The following UVRAG variants were observed in gnomAD, a reference collection of about 807,000 sequenced individuals.
UVRAG encodes the protein UV radiation resistance associated.
UVRAG carries 19 observed loss-of-function variants against 78.0 expected under a neutral mutation model. The ratio of observed to expected loss-of-function variants is 0.24; its 90% confidence interval spans 0.17 to 0.36. UVRAG has a LOEUF of 0.36. Among genes scored for constraint, UVRAG ranks in the 10% least tolerant of loss-of-function variants. UVRAG has a pLI of 1.00. For synonymous variants in UVRAG, 323 were observed against 324.6 expected (o/e 1.00, Z 0.05); for missense variants, 740 against 853.8 (o/e 0.87, Z 1.66).
At chr11:76,044,036 C>T (rs148555975) in intron 12 of UVRAG, among the ~76,000 whole-genome samples, 178 of 152,218 alleles carry the variant, frequency 1.2e-3, no homozygotes, top group African/African-American at 4.1e-3. Context: ...GTGGCAGTTC[C>T]GTAAATGCTT....
chr11:75,942,092 A>G (rs961390605), intron 6 of UVRAG: 2 of 152,194 alleles, frequency 1.3e-5, no homozygotes, highest in Non-Finnish European at 2.9e-5. Context: ...CAAAAGAACT[A>G]TTTTTGAAAA....
intron 6 of UVRAG, chr11:75,935,007 A>T (rs924986820): frequency 2.0e-5 from 3 of 152,214 alleles, no homozygotes; most frequent in African/African-American, 7.2e-5. Flanking sequence ...CCTGGCTAGT[A>T]CTTAGATGGG....
At chr11:75,883,909 A>G (rs925942794) in intron 4 of UVRAG, among the ~76,000 whole-genome samples, 2 of 152,218 alleles carry the variant, frequency 1.3e-5, no homozygotes, top group Middle Eastern at 3.2e-3. Flanking sequence ...TAAAGCTACT[A>G]TGAATATTTA....
chr11:75,856,594 A>G (rs973276213), intron 2 of UVRAG, among the ~76,000 whole-genome samples: 3 of 152,040 alleles, frequency 2.0e-5, no homozygotes, highest in Non-Finnish European at 2.9e-5. Flanking sequence ...ATAGGCACAC[A>G]CCACCATGCC....
intron 6 of UVRAG, among the ~76,000 whole-genome samples, chr11:75,918,468 C>G (rs1305764388): frequency 2.0e-5 from 3 of 152,006 alleles, no homozygotes; most frequent in Non-Finnish European, 4.4e-5. Flanking sequence ...GTTCACACTT[C>G]TTAGTGTGAT....
At chr11:75,856,615 TTTG>T (rs1383289542) in intron 2 of UVRAG, among the ~76,000 whole-genome samples, 2 of 152,024 alleles carry the variant, frequency 1.3e-5, no homozygotes, top group African/African-American at 4.8e-5. Context: ...TGGCTAATTT[TTTG>T]TTGTTGTTTG....
intron 1 of UVRAG, among the ~76,000 whole-genome samples, chr11:75,844,007 T>A (rs986070729): frequency 3.3e-5 from 5 of 151,738 alleles, no homozygotes; most frequent in African/African-American, 1.2e-4. Flanking sequence ...TCTGGGTCTT[T>A]CGTTAGCCCT....
intron 13 of UVRAG, among the ~76,000 whole-genome samples, chr11:76,110,983 C>T (rs1397500936): frequency 1.3e-5 from 2 of 151,882 alleles, no homozygotes; most frequent in Admixed American, 6.6e-5. Flanking sequence ...CTCAGCCTCC[C>T]GAGTAGCTGG....
chr11:75,951,365 ATT>A (rs200501949), intron 6 of UVRAG, among the ~76,000 whole-genome samples: 1 of 141,476 alleles, frequency 7.1e-6, no homozygotes, highest in Admixed American at 6.9e-5. Flanking sequence ...GTGTGTATAT[ATT>A]TTTTGTTTGT....
At chr11:75,923,585 A>G (rs1948025169) in intron 6 of UVRAG, among the ~76,000 whole-genome samples, 2 of 152,250 alleles carry the variant, frequency 1.3e-5, no homozygotes, top group African/African-American at 4.8e-5. Flanking sequence ...TCTGAAACAG[A>G]TTAAATAATT....
intron 2 of UVRAG, among the ~76,000 whole-genome samples, chr11:75,853,428 C>T (rs1946205832): frequency 7.1e-6 from 1 of 140,610 alleles, no homozygotes; most frequent in Non-Finnish European, 1.5e-5. Context: ...GGCGTGATCT[C>T]AGCTCACTGC....
intron 3 of UVRAG, among the ~76,000 whole-genome samples, chr11:75,873,047 T>G (rs1162778754): frequency 1.3e-5 from 2 of 152,170 alleles, no homozygotes; most frequent in African/African-American, 4.8e-5. Context: ...CGTAAGAAAG[T>G]TAACCACTCA....
chr11:76,138,727 G>T (rs1357956458), intron 14 of UVRAG, among the ~76,000 whole-genome samples: 1 of 152,240 alleles, frequency 6.6e-6, no homozygotes, highest in Non-Finnish European at 1.5e-5. Context: ...GTCACCTTCA[G>T]TGTTCCGGGC....
In UVRAG at chr11:76,015,956, A is replaced by G. The variant is rs114462602; in HGVS notation, c.1061-859A>G. On this transcript the variant is annotated intron_variant, in intron 11 of 14. Coordinates refer to ENST00000356136, the MANE Select transcript of UVRAG (RefSeq NM_003369.4). Reference sequence around the variant, plus strand: ...CACTTGTGCACTTTTAAAAGCATTTAGGAATACTGTATACCAAGAAGATCC... The same window carrying G: ...CACTTGTGCACTTTTAAAAGCATTTGGGAATACTGTATACCAAGAAGATCC... 8.8e-3 allele frequency among the ~76,000 whole-genome samples: 1,341 copies of G among 152,366 alleles called. 20 individuals carry two copies. Among genetic ancestry groups the G allele is most frequent in the African/African-American group, 0.031 (1,277 of 41,584 alleles).
chr11:76,013,174 A>G (rs1950086992), intron 11 of UVRAG: 1 of 152,180 alleles, frequency 6.6e-6, no homozygotes, highest in African/African-American at 2.4e-5. Flanking sequence ...CATATAAATC[A>G]AAGGAACATT....
chr11:75,977,396 A>T (rs1263376492), intron 7 of UVRAG, among the ~76,000 whole-genome samples: 1 of 152,130 alleles, frequency 6.6e-6, no homozygotes, highest in Non-Finnish European at 1.5e-5. Context: ...TGCTTGGTGC[A>T]GAGAGCTGAG....
chr11:75,930,004 C>T (rs1261416396), intron 6 of UVRAG, among the ~76,000 whole-genome samples: 1 of 152,224 alleles, frequency 6.6e-6, no homozygotes, highest in East Asian at 1.9e-4. Flanking sequence ...TTGCGTTATT[C>T]ACCTTACATT....
chr11:75,953,187 G>C (rs1327360562), intron 6 of UVRAG, among the ~76,000 whole-genome samples: 1 of 151,760 alleles, frequency 6.6e-6, no homozygotes, highest in East Asian at 1.9e-4. Context: ...CATCTTTCCT[G>C]TCACTATTTT....
chr11:75,829,106 C>T (rs971803500), intron 1 of UVRAG, among the ~76,000 whole-genome samples: 2 of 151,910 alleles, frequency 1.3e-5, no homozygotes, highest in African/African-American at 2.4e-5. Context: ...CATTATATTG[C>T]CCAACGTCAG....
Sources: allele counts gnomAD v4.1 joint callset (sites outside exome capture counted in the v4.1 genomes callset), GRCh38; gene constraint gnomAD v4.1.1; transcripts MANE v1.5; gene names NCBI Gene and HGNC (gene_info 2026-07-23, HGNC 2026-07-21).